HYAL4: variants seen among roughly 807,000 people sequenced by gnomAD.
HYAL4 encodes the protein hyaluronidase-4.
In HYAL4, 37 loss-of-function variants were observed where a neutral mutation model predicts 35.2. The observed-to-expected ratio is 1.05, with a 90% CI of 0.81 to 1.38. The LOEUF is 1.38. Among genes scored for constraint, HYAL4 ranks in the 40% most tolerant of loss-of-function variants. HYAL4 has a pLI of 0.00. For synonymous variants in HYAL4, 198 were observed against 203.2 expected, an observed-to-expected ratio of 0.97 and a Z score of 0.22; for missense variants, 572 against 572.4, an observed-to-expected ratio of 1.00 and a Z score of 0.01.
the HYAL4 span, among the ~76,000 whole-genome samples, chr7:123,819,918 G>T: frequency 7.1e-6 from 1 of 141,346 alleles, no homozygotes; most frequent in Non-Finnish European, 1.5e-5. Flanking sequence ...TTGTGAGGCA[G>T]TCTCACTCTG....
At chr7:123,765,789 A>G in the HYAL4 span, among the ~76,000 whole-genome samples, 1 of 152,140 alleles carries the variant, frequency 6.6e-6, no homozygotes, top group African/African-American at 2.4e-5. Context: ...GCTATGACTG[A>G]AACTACTTTA....
At chr7:123,777,273 T>C in the HYAL4 span, among the ~76,000 whole-genome samples, 2 of 151,988 alleles carry the variant, frequency 1.3e-5, no homozygotes, top group African/African-American at 4.8e-5. Flanking sequence ...GTAAAATACA[T>C]ACTAGATTTC....
chr7:123,868,355 A>T lies in HYAL4; in HGVS notation c.82A>T (p.Ile28Phe). ...HLTSWLLIFFILKSISCLKPA... is the reference protein window; with the variant it reads ...HLTSWLLIFFFLKSISCLKPA... Reference sequence around the variant, plus strand: ...CACTTCATGGCTCCTTATATTTTTTATTCTAAAGTCTATCTCTTGTCTAAA... The same window carrying T: ...CACTTCATGGCTCCTTATATTTTTTTTTCTAAAGTCTATCTCTTGTCTAAA... Residue 28 changes from isoleucine to phenylalanine, a missense_variant, in exon 3 of 5, where the codon ATT (isoleucine) becomes TTT (phenylalanine). Transcript: ENST00000223026. 1 of 1,604,018 alleles carries T rather than the reference A, an allele frequency of 6.2e-7. No homozygotes were observed. The highest frequency in any genetic ancestry group is 8.5e-7 in the Non-Finnish European group (1 of 1,177,370).
the HYAL4 span, among the ~76,000 whole-genome samples, chr7:123,765,515 C>T: frequency 6.6e-6 from 1 of 152,060 alleles, no homozygotes; most frequent in Non-Finnish European, 1.5e-5. Context: ...AATAATCTGA[C>T]CTTAATTCCC....
At chr7:123,817,110 C>CTT in the HYAL4 span, among the ~76,000 whole-genome samples, 3 of 152,178 alleles carry the variant, frequency 2.0e-5, no homozygotes, top group African/African-American at 7.2e-5. Flanking sequence ...CACTGGATCT[C>CTT]TGACTCTCCA....
intron 4 of HYAL4, among the ~76,000 whole-genome samples, chr7:123,875,166 C>T (rs1806978189): frequency 6.6e-6 from 1 of 152,106 alleles, no homozygotes; most frequent in East Asian, 1.9e-4. Context: ...GAGAGGAAAC[C>T]AACTAGGTTA....
At chr7:123,835,721 G>A (rs747351524) in intron 1 of HYAL4, among the ~76,000 whole-genome samples, 10 of 152,176 alleles carry the variant, frequency 6.6e-5, no homozygotes, top group Non-Finnish European at 4.4e-5. Context: ...TTAGGGCTAC[G>A]AACTTTCCTC....
upstream of HYAL4, among the ~76,000 whole-genome samples, chr7:123,824,461 A>C (rs1249675030): frequency 1.3e-5 from 2 of 152,156 alleles, no homozygotes; most frequent in Non-Finnish European, 2.9e-5. Flanking sequence ...ATTAGTAATT[A>C]TCTTTCCTGC....
the HYAL4 span, among the ~76,000 whole-genome samples, chr7:123,793,425 T>G: frequency 6.6e-6 from 1 of 152,190 alleles, no homozygotes; most frequent in Non-Finnish European, 1.5e-5. Flanking sequence ...CTTGGGAGAT[T>G]ACTATCTGAT....
intron 2 of HYAL4, among the ~76,000 whole-genome samples, chr7:123,867,420 T>C (rs939852747): frequency 6.6e-6 from 1 of 152,156 alleles, no homozygotes; most frequent in African/African-American, 2.4e-5. Flanking sequence ...TGGTGTCTCA[T>C]TGTTTAGATG....
chr7:123,793,479 G>A, the HYAL4 span, among the ~76,000 whole-genome samples: 1 of 152,092 alleles, frequency 6.6e-6, no homozygotes, highest in African/African-American at 2.4e-5. Flanking sequence ...TTGAATTGTT[G>A]TTTCCATAAT....
At chr7:123,852,975 G>A (rs1393637208) in intron 2 of HYAL4, among the ~76,000 whole-genome samples, 2 of 152,058 alleles carry the variant, frequency 1.3e-5, no homozygotes, top group Admixed American at 6.6e-5. Context: ...TGGATTCCTA[G>A]GTATTTTATT....
chr7:123,830,393 A>G (rs2116905102), intron 1 of HYAL4, among the ~76,000 whole-genome samples: 2 of 152,358 alleles, frequency 1.3e-5, no homozygotes, highest in Middle Eastern at 3.4e-3. Context: ...ACTTTAGCAA[A>G]TAAAACCTAT....
At chr7:123,819,883 TTC>T in the HYAL4 span, among the ~76,000 whole-genome samples, 15 of 148,204 alleles carry the variant, frequency 1.0e-4, no homozygotes, top group African/African-American at 3.4e-4. Context: ...TGATAAATAA[TTC>T]TTTTTTTTTC....
At chr7:123,790,384 GGAACTA>G in the HYAL4 span, among the ~76,000 whole-genome samples, 1 of 151,946 alleles carries the variant, frequency 6.6e-6, no homozygotes, top group African/African-American at 2.4e-5. Context: ...GGAAGTTTAG[GGAACTA>G]GAAGTGGCAC....
chr7:123,784,270 A>C, the HYAL4 span, among the ~76,000 whole-genome samples: 1 of 152,230 alleles, frequency 6.6e-6, no homozygotes, highest in Non-Finnish European at 1.5e-5. Flanking sequence ...GAAATTTAGC[A>C]CAGACTTTGT....
rs569359534 is a variant in HYAL4, at chr7:123,877,033, G to A, written c.1324G>A (p.Glu442Lys). 7 of 1,614,228 alleles carry A rather than the reference G, an allele frequency of 4.3e-6. No homozygotes were observed. The highest frequency in any genetic ancestry group is 5.9e-6 in the Non-Finnish European group (7 of 1,180,028). ...TTCCTGTCATTGTTATCAGGGATAT[G>A]AAGGAGCTGATTGCAGAGAAATAAA... ...TFSCHCYQGY[E>K]GADCREIKTA... The change falls in exon 5 of 5, where the codon GAA (glutamate) becomes AAA (lysine). Residue 442 changes from glutamate to lysine, a missense_variant. By Grantham distance (56) the Glu-to-Lys change is moderately conservative (BLOSUM62 1). Transcript: ENST00000223026.
intron 1 of HYAL4, among the ~76,000 whole-genome samples, chr7:123,832,852 GT>G (rs1562991291): frequency 1.3e-5 from 2 of 152,020 alleles, no homozygotes; most frequent in Non-Finnish European, 2.9e-5. Flanking sequence ...CAACATACAT[GT>G]TTGGCTTTCC....
At chr7:123,774,118 G>A in the HYAL4 span, among the ~76,000 whole-genome samples, 1 of 151,988 alleles carries the variant, frequency 6.6e-6, no homozygotes, top group Non-Finnish European at 1.5e-5. Flanking sequence ...AAACTCCTAG[G>A]TTCAACTCCT....
Sources: gnomAD v4.1 joint callset for allele counts (sites outside exome capture counted in the v4.1 genomes callset) on GRCh38, gnomAD v4.1.1 for gene constraint, MANE v1.5 for transcripts, NCBI Gene and HGNC (gene_info 2026-07-23, HGNC 2026-07-21) for gene names.